MAPKAPK2: variants seen among roughly 807,000 people sequenced by gnomAD.
MAPKAPK2 encodes the protein MAPK activated protein kinase 2.
Under a neutral mutation model 48.8 loss-of-function variants are expected in MAPKAPK2, and 9 were observed. The observed-to-expected ratio is 0.18, with a 90% CI of 0.11 to 0.32. MAPKAPK2 has a LOEUF of 0.32. Among genes scored for constraint, MAPKAPK2 ranks in the 10% least tolerant of loss-of-function variants. The pLI is 1.00. For synonymous variants in MAPKAPK2, 202 were observed against 190.6 expected (o/e 1.06, Z -0.49); for missense variants, 331 against 498.3 (o/e 0.66, Z 3.20).
chr1:206,695,676 C>T (rs782521466), intron 1 of MAPKAPK2, among the ~76,000 whole-genome samples: 7 of 151,984 alleles, frequency 4.6e-5, no homozygotes, highest in Non-Finnish European at 1.0e-4. Flanking sequence ...AGTGGGTCTT[C>T]CCATCCTTCC....
In MAPKAPK2 at chr1:206,731,080, A is replaced by G; in HGVS notation, c.768-58A>G. On this transcript the variant is annotated intron_variant, in intron 6 of 9. Transcript: ENST00000367103. The surrounding 1 kb of genome is among the most constrained non-coding windows in gnomAD (Gnocchi z 5.9). ...GCCTGTTTCTCATCCTGTTCCTGGT[A>G]CAGGGCCACTAAGTGACAGCTGTTC... The G allele has an allele frequency of 4.4e-6, 7 of 1,608,828 alleles. No individual in the cohort carries two copies. Among genetic ancestry groups the G allele is most frequent in the Non-Finnish European group, 6.0e-6 (7 of 1,175,244 alleles).
intron 1 of MAPKAPK2, among the ~76,000 whole-genome samples, chr1:206,715,363 CT>C (rs1210151996): frequency 6.6e-6 from 1 of 152,188 alleles, no homozygotes; most frequent in African/African-American, 2.4e-5. Flanking sequence ...AGACTACTCC[CT>C]TCGGGCCTGT....
chr1:206,709,666 G>C (rs1254952070), intron 1 of MAPKAPK2, among the ~76,000 whole-genome samples: 3 of 152,144 alleles, frequency 2.0e-5, no homozygotes, highest in Admixed American at 6.5e-5. Context: ...GTGTCATTTA[G>C]TTTTTGCCTA....
At chr1:206,712,597 G>C (rs1236461949) in intron 1 of MAPKAPK2, among the ~76,000 whole-genome samples, 1 of 152,062 alleles carries the variant, frequency 6.6e-6, no homozygotes, top group Admixed American at 6.6e-5. Flanking sequence ...TTTCTTAGGG[G>C]GTGTCACTTG....
Position 206,707,054 on chromosome 1 carries a change from G to A in MAPKAPK2, c.279+21546G>A, listed in dbSNP as rs118094109. Among the ~76,000 whole-genome samples, 97 of 152,240 alleles carry A rather than the reference G, an allele frequency of 6.4e-4. No individual in the cohort carries two copies. The East Asian group carries it at 0.012, about 19-fold the overall frequency. On this transcript the variant is annotated intron_variant, in intron 1 of 9. Transcript: ENST00000367103. ...TGGAGGAGGGAACGGCACTGCAGCC[G>A]CGCTCTTCTCTCTCCCACAGGTCTT...
At chr1:206,728,386 C>G (rs1340016905) in intron 1 of MAPKAPK2, among the ~76,000 whole-genome samples, 2 of 152,174 alleles carry the variant, frequency 1.3e-5, no homozygotes, top group Non-Finnish European at 2.9e-5. Flanking sequence ...CCTTCACCCC[C>G]TGCTTCCCAG....
chr1:206,708,063 G>T (rs979866239), intron 1 of MAPKAPK2, among the ~76,000 whole-genome samples: 1 of 152,198 alleles, frequency 6.6e-6, no homozygotes, highest in African/African-American at 2.4e-5. Flanking sequence ...CCAGAGAGGG[G>T]CAGGGACTTA....
intron 1 of MAPKAPK2, among the ~76,000 whole-genome samples, chr1:206,687,318 C>G (rs781906880): frequency 6.6e-6 from 1 of 152,150 alleles, no homozygotes; most frequent in Non-Finnish European, 1.5e-5. Context: ...TTGTAACTAA[C>G]GAGAGAGAGG....
intron 1 of MAPKAPK2, among the ~76,000 whole-genome samples, chr1:206,690,415 A>G (rs1177633165): frequency 1.3e-5 from 2 of 152,214 alleles, no homozygotes; most frequent in African/African-American, 4.8e-5. Flanking sequence ...AAGATACGGG[A>G]TCAGTGGCTG....
chr1:206,730,274 T>G (rs1210213780), intron 5 of MAPKAPK2, among the ~76,000 whole-genome samples, 176 bp downstream of exon 5: 2 of 152,142 alleles, frequency 1.3e-5, no homozygotes, highest in Non-Finnish European at 2.9e-5. Flanking sequence ...AAGCTACAGT[T>G]GAGAAATTGT....
At chr1:206,715,372 T>C (rs1433138854) in intron 1 of MAPKAPK2, among the ~76,000 whole-genome samples, 1 of 152,230 alleles carries the variant, frequency 6.6e-6, no homozygotes, top group African/African-American at 2.4e-5. Context: ...CCTTCGGGCC[T>C]GTCCTGGCTC....
rs781919591 is a variant in MAPKAPK2 at position 206,729,483 on chromosome 1, CTG to C, written c.564+10_564+11del. 1.0e-4 allele frequency: 168 copies of C among 1,612,920 alleles called. No homozygotes were observed. Among genetic ancestry groups the C allele is most frequent in the Middle Eastern group, 9.9e-4 (6 of 6,056 alleles). On this transcript the variant is annotated intron_variant, in intron 4 of 9. Coordinates refer to ENST00000367103, the MANE Select transcript of MAPKAPK2 (RefSeq NM_032960.4). The stretch of plus-strand genomic sequence containing the variant: ...GCCCATCGGGATGTCAAGGTGCCAG[CTG>C]TTCATAACCCTGAGCCCGAGTGCTG...
Position 206,732,040 on chromosome 1 carries a change from G to T in MAPKAPK2, c.1059+121G>T, listed in dbSNP as rs782345388. 13 of 1,614,176 alleles carry T rather than the reference G, an allele frequency of 8.1e-6. No homozygotes were observed. In the East Asian group the frequency reaches 2.2e-4, roughly 28 times the overall value. On this transcript the variant is annotated intron_variant, in intron 9 of 9. Coordinates refer to ENST00000367103, the MANE Select transcript of MAPKAPK2 (RefSeq NM_032960.4). The surrounding 1 kb of genome is among the most constrained non-coding windows in gnomAD (Gnocchi z 4.4). ...TGATTCTGCCTCTCTCATCCCAGGG[G>T]TGTCTTCATGACAAGAACAGCGACC... is the stretch of plus-strand genomic sequence containing the variant.
intron 1 of MAPKAPK2, among the ~76,000 whole-genome samples, chr1:206,690,178 T>C (rs1464204564): frequency 1.3e-5 from 2 of 151,998 alleles, no homozygotes; most frequent in Non-Finnish European, 2.9e-5. Context: ...TCAAAAAAGG[T>C]TAGGAATCAT....
chr1:206,729,865 A>G, intron 4 of MAPKAPK2, 107 bp from the exon 5 acceptor site: 3 of 1,424,870 alleles, frequency 2.1e-6, no homozygotes, highest in Non-Finnish European at 2.9e-6. Flanking sequence ...GGATAGGCAA[A>G]TGGTTGCTGG....
In MAPKAPK2 at chr1:206,734,232, CTGT is replaced by C. The variant is rs1674044360; in HGVS notation, c.*1519_*1521del. The C allele has an allele frequency of 6.5e-6, 1 of 152,830 alleles. No homozygotes were observed. The highest frequency in any genetic ancestry group is 1.5e-5 in the Non-Finnish European group (1 of 68,060). The allele number at this position is 152,830 out of a possible 1,614,324, so 9.5% of individuals were successfully genotyped here. A position where few individuals can be genotyped will look rare whatever the true frequency, so the allele number is the denominator to read the frequency against. Reference sequence around the variant, plus strand: ...GTGTCCAGCACTCGATTGTTGTAAACTGTTGTTTTGTATGAGCGAAATTGTCTT... The same window carrying C: ...GTGTCCAGCACTCGATTGTTGTAAACTGTTTTGTATGAGCGAAATTGTCTT... On this transcript the variant is annotated 3_prime_UTR_variant, in exon 10 of 10. Transcript: ENST00000367103.
intron 1 of MAPKAPK2, among the ~76,000 whole-genome samples, chr1:206,699,304 A>G (rs1342543865): frequency 6.6e-6 from 1 of 152,200 alleles, no homozygotes; most frequent in Non-Finnish European, 1.5e-5. Context: ...AAGGATGCAG[A>G]GACACATGAT....
At chr1:206,687,261 A>T (rs934795377) in intron 1 of MAPKAPK2, among the ~76,000 whole-genome samples, 10 of 152,218 alleles carry the variant, frequency 6.6e-5, no homozygotes, top group Admixed American at 6.5e-4. Flanking sequence ...AGACACACGC[A>T]CAAAATCATC....
intron 1 of MAPKAPK2, among the ~76,000 whole-genome samples, chr1:206,716,731 T>G (rs1318072129): frequency 6.6e-6 from 1 of 152,138 alleles, no homozygotes; most frequent in African/African-American, 2.4e-5. Flanking sequence ...AGAGGCGCAG[T>G]GTTCCTGACC....
Sources: allele counts gnomAD v4.1 joint callset (sites outside exome capture counted in the v4.1 genomes callset), GRCh38; gene constraint gnomAD v4.1.1; non-coding constraint Gnocchi (gnomAD v3.1); transcripts MANE v1.5; gene names NCBI Gene and HGNC (gene_info 2026-07-23, HGNC 2026-07-21).